OR6B3: variants seen among roughly 807,000 people sequenced by gnomAD.
OR6B3 encodes the protein olfactory receptor family 6 subfamily B member 3, also known as olfactory receptor 6B3.
For synonymous variants in OR6B3, 148 were observed against 187.8 expected, an observed-to-expected ratio of 0.79 and a Z score of 1.73; for missense variants, 315 against 427.4, an observed-to-expected ratio of 0.74 and a Z score of 2.32.
At chr2:240,051,957 C>T (rs1443741931), upstream of OR6B3, among the ~76,000 whole-genome samples, 2 of 152,208 alleles carry the variant, frequency 1.3e-5, no homozygotes, top group Non-Finnish European at 1.5e-5. Flanking sequence ...TAAGACAGGG[C>T]TCTTTGTTGT....
chr2:240,049,914 T>C (rs1698234914), upstream of OR6B3, among the ~76,000 whole-genome samples: 1 of 152,184 alleles, frequency 6.6e-6, no homozygotes, highest in Admixed American at 6.5e-5. Context: ...GGGTATGTTA[T>C]ATTCCTGGAG....
intron 1 of OR6B3, 102 bp from the exon 3 acceptor site, chr2:240,046,199 C>T: frequency 1.3e-6 from 1 of 746,822 alleles, no homozygotes. Context: ...AAAGAGAGGC[C>T]ACGTGGCTCC....
At chr2:240,050,131 T>C (rs1286637986), upstream of OR6B3, among the ~76,000 whole-genome samples, 2 of 150,840 alleles carry the variant, frequency 1.3e-5, no homozygotes, top group Non-Finnish European at 2.9e-5. Context: ...TAAACTCACC[T>C]GGTAAAAGGA....
At chr2:240,045,354 G>A (rs747244992) in exon 2 of OR6B3, 3 of 1,614,246 alleles carry the variant, frequency 1.9e-6, no homozygotes, top group Admixed American at 3.3e-5. Flanking sequence ...AGAGGCGCAG[G>A]TGAAGAAGGC....
chr2:240,045,630 G>C, exon 2 of OR6B3: 1 of 1,403,794 alleles, frequency 7.1e-7, no homozygotes, highest in Non-Finnish European at 1.0e-6. Flanking sequence ...ACTCACAAAG[G>C]AGAAGCCCAC....
chr2:240,052,238 T>C, the OR6B3 span, among the ~76,000 whole-genome samples: 3 of 152,204 alleles, frequency 2.0e-5, no homozygotes, highest in Admixed American at 6.5e-5. The surrounding 1 kb of genome is among the most constrained non-coding windows in gnomAD (Gnocchi z 4.5). Context: ...TCAATTCTAT[T>C]TGAAATCTCA....
At chr2:240,052,820 C>CT in the OR6B3 span, among the ~76,000 whole-genome samples, 97 of 151,548 alleles carry the variant, frequency 6.4e-4, 1 homozygote, top group Middle Eastern at 3.4e-3. This position sits in a 1 kb window ranked among gnomAD's most constrained non-coding sequence, Gnocchi z 4.5. Flanking sequence ...TGTGACTTTT[C>CT]TTTTTTTTTG....
exon 2 of OR6B3, chr2:240,046,013 G>A: frequency 6.2e-7 from 1 of 1,612,916 alleles, no homozygotes; most frequent in Non-Finnish European, 8.5e-7. Flanking sequence ...GCAGCCCTGG[G>A]GCCGTGGGGA....
At chr2:240,051,724 CAA>C (rs1698257822), upstream of OR6B3, among the ~76,000 whole-genome samples, 1 of 152,178 alleles carries the variant, frequency 6.6e-6, no homozygotes, top group African/African-American at 2.4e-5. Flanking sequence ...TTCAGCGGTG[CAA>C]AGAGACTTCG....
upstream of OR6B3, among the ~76,000 whole-genome samples, chr2:240,048,085 C>T (rs1395441926): frequency 6.6e-6 from 1 of 152,118 alleles, no homozygotes; most frequent in African/African-American, 2.4e-5. Context: ...AAAGAAAACA[C>T]ACAGGAAATG....
At chr2:240,047,235 G>A (rs1333953979), upstream of OR6B3, among the ~76,000 whole-genome samples, 2 of 152,184 alleles carry the variant, frequency 1.3e-5, no homozygotes, top group East Asian at 3.8e-4. Flanking sequence ...TTGGTTGAAC[G>A]AACCTAAAGC....
chr2:240,051,547 A>G (rs1698255934), upstream of OR6B3, among the ~76,000 whole-genome samples: 2 of 152,236 alleles, frequency 1.3e-5, no homozygotes, highest in African/African-American at 4.8e-5. Flanking sequence ...TTCATTTTAC[A>G]AAATAGCAAA....
At chr2:240,045,897 A>G (rs1698180669) in exon 2 of OR6B3, 3 of 1,596,286 alleles carry the variant, frequency 1.9e-6, no homozygotes, top group Non-Finnish European at 2.6e-6. Flanking sequence ...AAAGTAGTAC[A>G]TGGGCCTGTG....
rs765350229 is a variant in OR6B3 at position 240,045,687 on chromosome 2, G to A, written c.386C>T (p.Pro129Leu). 3.0e-5 allele frequency: 40 copies of A among 1,340,430 alleles called. No homozygotes were observed. Among genetic ancestry groups the A allele is most frequent in the African/African-American group, 1.2e-4 (8 of 68,282 alleles). 83.0% of individuals were successfully genotyped at this position (1,340,430 alleles called of 1,614,324 possible). The change falls in exon 2 of 2, where the codon CCG (proline) becomes CTG (leucine). Residue 129 changes from proline (P) to leucine (L), a missense_variant. By Grantham distance (98) the Pro-to-Leu change is moderately conservative. Coordinates refer to ENST00000641019, the Ensembl canonical transcript of OR6B3. The stretch of plus-strand genomic sequence containing the variant: ...GGTCACAAGGACGTGGTAGCGCAGC[G>A]GGTGGCAGATGGCCACGTAGCGGTC...
chr2:240,046,365 G>A (rs1574918977), intron 1 of OR6B3, among the ~76,000 whole-genome samples: 1 of 152,162 alleles, frequency 6.6e-6, no homozygotes, highest in Admixed American at 6.5e-5. Context: ...TCTCAAAGCT[G>A]TGTCCTATTT....
rs770996661 is a variant in OR6B3 at position 240,045,217 on chromosome 2, T to A, written c.856A>T (p.Asn286Tyr). The stretch of plus-strand genomic sequence containing the variant: ...TTCCTCAGGCAGTATATCAAGGGGT[T>A]CAAGATGGGGGTGATAACTGTGTAC... Residue 286 changes from asparagine to tyrosine, a missense_variant, in exon 2 of 2, where the codon AAC becomes TAC. Coordinates refer to ENST00000641019, the Ensembl canonical transcript of OR6B3. 3 of 1,614,064 alleles carry A rather than the reference T, an allele frequency of 1.9e-6. No homozygotes were observed. The Admixed American group carries it at 5.0e-5, about 27-fold the overall frequency.
upstream of OR6B3, among the ~76,000 whole-genome samples, chr2:240,051,577 A>G (rs1221538977): frequency 1.3e-5 from 2 of 152,210 alleles, no homozygotes; most frequent in Non-Finnish European, 2.9e-5. Flanking sequence ...CGAAAGCCTG[A>G]TGAAGATTTC....
chr2:240,049,239 A>G (rs138966446), upstream of OR6B3, among the ~76,000 whole-genome samples: 238 of 152,254 alleles, frequency 1.6e-3, no homozygotes, highest in African/African-American at 5.5e-3. Context: ...AGGAACTTCA[A>G]GGAAAAAGAA....
rs200350528 is a variant in OR6B3 at position 240,045,139 on chromosome 2, C to T, written c.934G>A (p.Val312Ile). Reference sequence around the variant, plus strand: ...AGAAGACTAGAAAGCCTCCCCTCTACGGCGCAGCTCGTCAAGCCGAAGGCT... The same window carrying T: ...AGAAGACTAGAAAGCCTCCCCTCTATGGCGCAGCTCGTCAAGCCGAAGGCT... The change falls in exon 2 of 2, where the codon GTA becomes ATA. Residue 312 changes from valine (V) to isoleucine (I), a missense_variant. By Grantham distance (29) the Val-to-Ile change is conservative. Coordinates refer to ENST00000641019, the Ensembl canonical transcript of OR6B3. 9.0e-5 allele frequency: 145 copies of T among 1,613,676 alleles called. 1 individual carries two copies. The highest frequency in any genetic ancestry group is 8.8e-4 in the Admixed American group (53 of 59,946).
Sources: allele counts gnomAD v4.1 joint callset (sites outside exome capture counted in the v4.1 genomes callset), GRCh38; gene constraint gnomAD v4.1.1; non-coding constraint Gnocchi (gnomAD v3.1); transcripts MANE v1.5; gene names NCBI Gene and HGNC (gene_info 2026-07-23, HGNC 2026-07-21).